The following DGKD variants were observed in gnomAD, a reference collection of about 807,000 sequenced individuals.
DGKD encodes DAG kinase delta.
Under a neutral mutation model 154.4 loss-of-function variants are expected in DGKD, and 68 were observed. The ratio of observed to expected loss-of-function variants is 0.44; its 90% CI spans 0.36 to 0.54. The LOEUF (loss-of-function observed/expected upper bound fraction) is 0.54. DGKD is among the 20% of genes least tolerant of loss of function. DGKD has a pLI of 0.00. For synonymous variants in DGKD, 693 were observed against 638.0 expected (o/e 1.09, Z -1.30); for missense variants, 1,343 against 1,593.6 (o/e 0.84, Z 2.68).
intron 1 of DGKD, among the ~76,000 whole-genome samples, chr2:233,369,726 G>A (rs1702216247): frequency 1.3e-5 from 2 of 152,182 alleles, no homozygotes; most frequent in South Asian, 4.1e-4. Context: ...ACGGGCCCAG[G>A]CTGTGTCTCT....
At chr2:233,435,045 C>T (rs2062643637) in intron 5 of DGKD, 144 bp downstream of exon 5, 1 of 1,175,852 alleles carries the variant, frequency 8.5e-7, no homozygotes, top group Non-Finnish European at 1.2e-6. Context: ...TCTGTGATGC[C>T]ATTCTTGTTT....
intron 3 of DGKD, among the ~76,000 whole-genome samples, chr2:233,424,490 T>C (rs536920451): frequency 1.3e-5 from 2 of 152,312 alleles, no homozygotes; most frequent in South Asian, 4.2e-4. Context: ...CTTGTGCTGA[T>C]CCTCCAAGCC....
chr2:233,438,477 A>T lies in DGKD; in HGVS notation c.1085+98A>T, dbSNP rs1009314963. 20 of 1,409,096 alleles carry T rather than the reference A, an allele frequency of 1.4e-5. No homozygotes were observed. In the African/African-American group the frequency reaches 2.8e-4, roughly 19 times the overall value. The allele number at this position is 1,409,096 out of a possible 1,614,324, so 87.3% of individuals were successfully genotyped here. ...AAAAAGTTCAAAGACACAAAGCTTT[A>T]AATAGGAAAGAAAAGTTGAACTGCT... On this transcript the variant is annotated intron_variant, in intron 9 of 29. Coordinates refer to ENST00000264057, the MANE Select transcript of DGKD (RefSeq NM_152879.3). The surrounding 1 kb of genome is among the most constrained non-coding windows in gnomAD (Gnocchi z 4.1).
At chr2:233,462,837 TC>T in intron 26 of DGKD, 102 bp downstream of exon 26, 2 of 1,072,230 alleles carry the variant, frequency 1.9e-6, no homozygotes, top group Non-Finnish European at 2.8e-6. Flanking sequence ...AGTCCAGAGT[TC>T]CCGGTCTTAA....
At chr2:233,359,823 A>G (rs1701698445) in intron 1 of DGKD, among the ~76,000 whole-genome samples, 1 of 152,234 alleles carries the variant, frequency 6.6e-6, no homozygotes, top group African/African-American at 2.4e-5. Flanking sequence ...TCTAGAAGAC[A>G]TTAATAAAAC....
In DGKD at chr2:233,471,343, A is replaced by T. The variant is rs1043789620; in HGVS notation, c.*1883A>T. 6.6e-6 allele frequency: 1 copy of T among 152,354 alleles called. No homozygotes were observed. Among genetic ancestry groups the T allele is most frequent in the South Asian group, 2.1e-4 (1 of 4,830 alleles). 9.4% of individuals were successfully genotyped at this position (152,354 alleles called of 1,614,324 possible). On this transcript the variant is annotated 3_prime_UTR_variant, in exon 30 of 30. Coordinates refer to ENST00000264057, the MANE Select transcript of DGKD (RefSeq NM_152879.3). The stretch of plus-strand genomic sequence containing the variant: ...CATTGTTTTCCCCAGAACATTGTAG[A>T]TGGGGGTTGGCAGAGGGAGAAATAA...
At position 233,469,969 on chromosome 2, in the gene DGKD, A is replaced by G. The variant is rs952393344; in HGVS notation, c.*509A>G. 3.3e-5 allele frequency: 5 copies of G among 152,980 alleles called. No individual in the cohort carries two copies. Among genetic ancestry groups the G allele is most frequent in the East Asian group, 1.9e-4 (1 of 5,312 alleles). 9.5% of individuals were successfully genotyped at this position (152,980 alleles called of 1,614,324 possible). A position where few individuals can be genotyped will look rare whatever the true frequency, so the allele number is the denominator to read the frequency against. On this transcript the variant is annotated 3_prime_UTR_variant, in exon 30 of 30. Transcript: ENST00000264057. ...TGTTTGTTGATGCAGCTTTTGTTGA[A>G]CAAAAATCGTGCTCTTTCCTGGTTT...
chr2:233,471,953 A>AC lies in DGKD; in HGVS notation c.*2498dup, dbSNP rs920090486. ...GGTTCTGTGCCCTCAGGTGGGGCTTACCCCCTCGTATTTATAATCTTAATT... is the reference window on the plus strand; with the variant it reads ...GGTTCTGTGCCCTCAGGTGGGGCTTACCCCCCTCGTATTTATAATCTTAATT... On this transcript the variant is annotated 3_prime_UTR_variant, in exon 30 of 30. Coordinates refer to ENST00000264057, the MANE Select transcript of DGKD (RefSeq NM_152879.3). 3.4e-4 allele frequency: 51 copies of AC among 152,226 alleles called. No individual in the cohort carries two copies. The highest frequency in any genetic ancestry group is 7.1e-4 in the Non-Finnish European group (48 of 68,028). The allele number at this position is 152,226 out of a possible 1,614,324, so 9.4% of individuals were successfully genotyped here. A position where few individuals can be genotyped will look rare whatever the true frequency, so the allele number is the denominator to read the frequency against.
chr2:233,389,970 G>A (rs550255606), intron 2 of DGKD, among the ~76,000 whole-genome samples: 15 of 152,146 alleles, frequency 9.9e-5, no homozygotes, highest in Admixed American at 6.5e-4. Context: ...CCATGTGCTC[G>A]CTGGAGGAAC....
chr2:233,361,267 G>T (rs1279263757), intron 1 of DGKD, among the ~76,000 whole-genome samples: 1 of 152,210 alleles, frequency 6.6e-6, no homozygotes. Flanking sequence ...AAGGACTGCA[G>T]CCCTGCTTCA....
intron 24 of DGKD, among the ~76,000 whole-genome samples, chr2:233,462,028 C>T (rs1026354273): frequency 6.6e-6 from 1 of 152,248 alleles, no homozygotes; most frequent in East Asian, 1.9e-4. Flanking sequence ...GCAGTCTCTG[C>T]AGTGGGCCTG....
intron 3 of DGKD, among the ~76,000 whole-genome samples, chr2:233,398,181 T>C (rs559231447): frequency 4.0e-4 from 60 of 149,926 alleles, no homozygotes; most frequent in Middle Eastern, 3.4e-3. Context: ...CTCGCTCTGT[T>C]GCCCAGGCTG....
In DGKD at chr2:233,441,833, T is replaced by G. The variant is rs1417650573; in HGVS notation, c.1086-54T>G. ...CCTCAGCCCCGTACTGACAAGCCTGTCATTTGTCCTGTGGAATGGATGTCA... is the reference window on the plus strand; with the variant it reads ...CCTCAGCCCCGTACTGACAAGCCTGGCATTTGTCCTGTGGAATGGATGTCA... On this transcript the variant is annotated intron_variant, in intron 9 of 29. Coordinates refer to ENST00000264057, the MANE Select transcript of DGKD (RefSeq NM_152879.3). The surrounding 1 kb of genome is among the most constrained non-coding windows in gnomAD (Gnocchi z 5.6). 10 of 1,544,622 alleles carry G rather than the reference T, an allele frequency of 6.5e-6. No homozygotes were observed. Among genetic ancestry groups the G allele is most frequent in the Non-Finnish European group, 8.0e-6 (9 of 1,126,782 alleles).
In DGKD at chr2:233,441,736, C is replaced by G. The variant is rs1351926503; in HGVS notation, c.1086-151C>G. 1 of 655,626 alleles carries G rather than the reference C, an allele frequency of 1.5e-6. No individual in the cohort carries two copies. Among genetic ancestry groups the G allele is most frequent in the African/African-American group, 1.8e-5 (1 of 54,850 alleles). The allele number at this position is 655,626 out of a possible 1,614,324, so 40.6% of individuals were successfully genotyped here. On this transcript the variant is annotated intron_variant, in intron 9 of 29. Transcript: ENST00000264057. The surrounding 1 kb of genome is among the most constrained non-coding windows in gnomAD (Gnocchi z 5.6). ...CAAAGTGGACCCTGAGTGGAGGCGGCTGGTGTCACGTGGCAGGGCCTGTGC... is the reference window on the plus strand; with the variant it reads ...CAAAGTGGACCCTGAGTGGAGGCGGGTGGTGTCACGTGGCAGGGCCTGTGC...
chr2:233,441,776 G>A lies in DGKD; in HGVS notation c.1086-111G>A. The A allele has an allele frequency of 1.0e-6, 1 of 953,544 alleles. No homozygotes were observed. The highest frequency in any genetic ancestry group is 2.5e-5 in the East Asian group (1 of 40,498). The allele number at this position is 953,544 out of a possible 1,614,324, so 59.1% of individuals were successfully genotyped here. A position where few individuals can be genotyped will look rare whatever the true frequency, so the allele number is the denominator to read the frequency against. ...AGGGCCTGTGCGTGCTCTGCCTCTG[G>A]TGCAGGTCAGCCATGAGGAGCACAG... is the stretch of plus-strand genomic sequence containing the variant. On this transcript the variant is annotated intron_variant, in intron 9 of 29. Transcript: ENST00000264057. The surrounding 1 kb of genome is among the most constrained non-coding windows in gnomAD (Gnocchi z 5.6).
At chr2:233,374,204 C>T (rs182878489) in intron 1 of DGKD, among the ~76,000 whole-genome samples, 41 of 152,110 alleles carry the variant, frequency 2.7e-4, no homozygotes, top group African/African-American at 4.8e-4. Context: ...GTGCCTGCTA[C>T]GATGCCTGGC....
rs1243709380 is a variant in DGKD, at chr2:233,354,789, T to C, written c.156+115T>C. On this transcript the variant is annotated intron_variant, in intron 1 of 29. Coordinates refer to ENST00000264057, the MANE Select transcript of DGKD (RefSeq NM_152879.3). This position sits in a 1 kb window ranked among gnomAD's most constrained non-coding sequence, Gnocchi z 4.8. ...AGGCCCGGCTCGGCCCGGCCCGGGG[T>C]CCCGCGGGCGTCACCGCCCCTGTCG... 1.9e-6 allele frequency: 1 copy of C among 531,328 alleles called. No individual in the cohort carries two copies. Among genetic ancestry groups the C allele is most frequent in the Non-Finnish European group, 2.4e-6 (1 of 424,124 alleles). 32.9% of individuals were successfully genotyped at this position (531,328 alleles called of 1,614,324 possible).
chr2:233,450,969 C>T lies in DGKD; in HGVS notation c.2086C>T (p.Leu696=), dbSNP rs757284877. The change falls in exon 17 of 30, where the codon CTA becomes TTA. Residue 696 remains leucine, a synonymous_variant. Coordinates refer to ENST00000264057, the MANE Select transcript of DGKD (RefSeq NM_152879.3). ...GCTGATCAGCAAAGGGAGTCTGTCC[C>T]TAGGCAGTTCTGCTTCCCTTCCGCC... ...EKLISKGSLS[L]GSSASLPPQP... 6.2e-7 allele frequency: 1 copy of T among 1,612,438 alleles called. No individual in the cohort carries two copies. Among genetic ancestry groups the T allele is most frequent in the Non-Finnish European group, 8.5e-7 (1 of 1,178,530 alleles).
intron 1 of DGKD, among the ~76,000 whole-genome samples, chr2:233,383,646 C>T (rs950345008): frequency 6.6e-6 from 1 of 152,174 alleles, no homozygotes; most frequent in African/African-American, 2.4e-5. Context: ...CAGGAGCTCA[C>T]GCGTGTGGTG....
Sources: allele counts gnomAD v4.1 joint callset (sites outside exome capture counted in the v4.1 genomes callset), GRCh38; gene constraint gnomAD v4.1.1; non-coding constraint Gnocchi (gnomAD v3.1); transcripts MANE v1.5; gene names NCBI Gene and HGNC (gene_info 2026-07-23, HGNC 2026-07-21).